HMGCLL1: variants seen among roughly 807,000 people sequenced by gnomAD.
HMGCLL1 encodes 3-hydroxy-3-methylglutaryl-CoA lyase like 1.
A neutral mutation model predicts 39.1 loss-of-function variants in HMGCLL1; 36 were observed. The ratio of observed to expected loss-of-function variants is 0.92; its 90% confidence interval spans 0.71 to 1.22. The LOEUF is 1.22. Among genes scored for constraint, HMGCLL1 ranks in the 50% most tolerant of loss-of-function variants. HMGCLL1 has a pLI of 0.00. For missense variants in HMGCLL1, 451 were observed against 416.5 expected (o/e 1.08, Z -0.72); for synonymous variants, 149 against 144.0 (o/e 1.03, Z -0.25).
intron 1 of HMGCLL1, among the ~76,000 whole-genome samples, chr6:55,553,557 C>T (rs1027571951): frequency 6.6e-6 from 1 of 152,052 alleles, no homozygotes; most frequent in Non-Finnish European, 1.5e-5. Context: ...ATGTAGTCTT[C>T]CTCATTCTCC....
the HMGCLL1 span, among the ~76,000 whole-genome samples, chr6:55,634,395 CCT>C: frequency 0.17 from 26,028 of 151,908 alleles, 2,423 homozygotes; most frequent in African/African-American, 0.23. Flanking sequence ...CCTCAGAATC[CCT>C]GAGTAAGCTT....
the HMGCLL1 span, among the ~76,000 whole-genome samples, chr6:55,658,652 A>T: frequency 2.0e-5 from 3 of 151,978 alleles, no homozygotes; most frequent in Non-Finnish European, 4.4e-5. Flanking sequence ...TACCATAGGG[A>T]TTGTGTAACA....
At chr6:55,561,052 G>A (rs897764225) in intron 1 of HMGCLL1, among the ~76,000 whole-genome samples, 2 of 151,814 alleles carry the variant, frequency 1.3e-5, no homozygotes, top group African/African-American at 4.8e-5. Context: ...CAATTCATCG[G>A]GTTGTTCAAT....
At chr6:55,453,762 T>A (rs1764203488) in intron 7 of HMGCLL1, among the ~76,000 whole-genome samples, 1 of 152,112 alleles carries the variant, frequency 6.6e-6, no homozygotes, top group Non-Finnish European at 1.5e-5. Context: ...AAATGAAGCA[T>A]AAGGAAAAAG....
At chr6:55,574,158 A>G (rs1445034765) in intron 1 of HMGCLL1, among the ~76,000 whole-genome samples, 1 of 151,934 alleles carries the variant, frequency 6.6e-6, no homozygotes, top group African/African-American at 2.4e-5. Flanking sequence ...TGTGTATGTA[A>G]TTTCAAACAA....
chr6:55,547,029 C>T (rs924451133), intron 1 of HMGCLL1, among the ~76,000 whole-genome samples: 8 of 151,926 alleles, frequency 5.3e-5, no homozygotes, highest in African/African-American at 1.2e-4. Context: ...TTTCTATCTG[C>T]GTTTCATCTG....
At chr6:55,551,462 A>G (rs1320041399) in intron 1 of HMGCLL1, among the ~76,000 whole-genome samples, 1 of 151,980 alleles carries the variant, frequency 6.6e-6, no homozygotes, top group Non-Finnish European at 1.5e-5. Context: ...GTAACAAGGA[A>G]GGGCAAGTAG....
chr6:55,457,728 C>G (rs77430676), intron 7 of HMGCLL1, among the ~76,000 whole-genome samples: 77 of 151,960 alleles, frequency 5.1e-4, no homozygotes, highest in African/African-American at 1.8e-3. Context: ...TCTTTCAAGT[C>G]GGCTATATCA....
At chr6:55,568,052 A>C (rs62404290) in intron 1 of HMGCLL1, among the ~76,000 whole-genome samples, 11,681 of 152,212 alleles carry the variant, frequency 0.077, 536 homozygotes, top group East Asian at 0.19. Context: ...ATGAATCTAA[A>C]TAATTCTAAA....
the HMGCLL1 span, among the ~76,000 whole-genome samples, chr6:55,617,030 A>T: frequency 6.6e-6 from 1 of 152,138 alleles, no homozygotes; most frequent in East Asian, 1.9e-4. Flanking sequence ...TAAGATTTTT[A>T]AAAATTTTTC....
chr6:55,572,687 G>A (rs1289257226), intron 1 of HMGCLL1, among the ~76,000 whole-genome samples: 4 of 152,132 alleles, frequency 2.6e-5, no homozygotes, highest in East Asian at 3.9e-4. Flanking sequence ...AAGTAGTATG[G>A]TAAATGAATA....
the HMGCLL1 span, among the ~76,000 whole-genome samples, chr6:55,616,053 G>C: frequency 1.3e-5 from 2 of 152,058 alleles, no homozygotes; most frequent in Non-Finnish European, 2.9e-5. Flanking sequence ...AAAATACCCA[G>C]TAAAGCAACA....
the HMGCLL1 span, among the ~76,000 whole-genome samples, chr6:55,674,210 G>C: frequency 6.6e-6 from 1 of 151,760 alleles, no homozygotes; most frequent in Non-Finnish European, 1.5e-5. Context: ...GGAATCAATA[G>C]AATATGGTGT....
chr6:55,647,745 CTTT>C, the HMGCLL1 span, among the ~76,000 whole-genome samples: 2 of 115,858 alleles, frequency 1.7e-5, no homozygotes, highest in Admixed American at 8.7e-5. Flanking sequence ...TTTTTTTTTC[CTTT>C]TTTTTTTTTT....
intron 7 of HMGCLL1, among the ~76,000 whole-genome samples, chr6:55,484,859 G>C (rs557752783): frequency 6.6e-6 from 1 of 152,162 alleles, no homozygotes; most frequent in East Asian, 1.9e-4. Context: ...CAACAGAGCA[G>C]TCAGAATGAT....
At chr6:55,641,238 A>G in the HMGCLL1 span, among the ~76,000 whole-genome samples, 1 of 151,724 alleles carries the variant, frequency 6.6e-6, no homozygotes, top group South Asian at 2.1e-4. Context: ...AATAATAAGG[A>G]AAAAGAATGA....
chr6:55,567,158 G>T (rs771970366), intron 1 of HMGCLL1, among the ~76,000 whole-genome samples: 7 of 151,984 alleles, frequency 4.6e-5, no homozygotes, highest in Admixed American at 3.3e-4. Context: ...AAGAAAACAA[G>T]GATGGGTATC....
chr6:55,555,008 T>G (rs1770571333), intron 1 of HMGCLL1, among the ~76,000 whole-genome samples: 1 of 152,212 alleles, frequency 6.6e-6, no homozygotes, highest in African/African-American at 2.4e-5. Context: ...GAAAGCAGCC[T>G]TCCTAATACT....
chr6:55,537,226 G>A (rs548696531), intron 3 of HMGCLL1, among the ~76,000 whole-genome samples: 1 of 152,212 alleles, frequency 6.6e-6, no homozygotes. Flanking sequence ...ATTTGCCTTT[G>A]ACAAACATTT....
Sources: gnomAD v4.1 joint callset for allele counts (sites outside exome capture counted in the v4.1 genomes callset) on GRCh38, gnomAD v4.1.1 for gene constraint, MANE v1.5 for transcripts, NCBI Gene and HGNC (gene_info 2026-07-23, HGNC 2026-07-21) for gene names.